The following SEC22C variants were observed in gnomAD, a reference collection of about 807,000 sequenced individuals.
The protein encoded by SEC22C is SEC22 homolog C, vesicle trafficking protein, also known as vesicle-trafficking protein SEC22c.
SEC22C carries 29 observed loss-of-function variants against 34.7 expected under a neutral mutation model. That is an observed-to-expected ratio of 0.84 (90% CI 0.62 to 1.14). SEC22C has a LOEUF of 1.14. Ranked by LOEUF, SEC22C falls within the 50% of genes most tolerant of loss-of-function variation. The pLI is 0.00. For synonymous variants in SEC22C, 117 were observed against 132.8 expected, an observed-to-expected ratio of 0.88 and a Z score of 0.82; for missense variants, 337 against 369.0, an observed-to-expected ratio of 0.91 and a Z score of 0.71.
intron 1 of SEC22C, among the ~76,000 whole-genome samples, chr3:42,581,044 G>A (rs1211750875): frequency 2.6e-5 from 4 of 152,182 alleles, no homozygotes; most frequent in Non-Finnish European, 2.9e-5. Flanking sequence ...TTAAATCAGA[G>A]CTATTAACAT....
intron 4 of SEC22C, among the ~76,000 whole-genome samples, chr3:42,559,313 G>A (rs1245466936): frequency 6.6e-6 from 1 of 152,112 alleles, no homozygotes; most frequent in Non-Finnish European, 1.5e-5. Context: ...AGGACAATAG[G>A]GTAAATCAAA....
chr3:42,598,481 C>A (rs1167092458), intron 1 of SEC22C, among the ~76,000 whole-genome samples: 4 of 151,990 alleles, frequency 2.6e-5, no homozygotes, highest in Non-Finnish European at 5.9e-5. Context: ...GTGCCTGCCA[C>A]CACGCCCTGC....
intron 1 of SEC22C, chr3:42,581,211 T>G (rs1242805184): frequency 6.6e-6 from 1 of 152,246 alleles, no homozygotes; most frequent in Non-Finnish European, 1.5e-5. Context: ...TATTACCCTA[T>G]ATGTTGGTTC....
chr3:42,575,520 G>A (rs1703906555), intron 1 of SEC22C, among the ~76,000 whole-genome samples: 1 of 152,080 alleles, frequency 6.6e-6, no homozygotes, highest in East Asian at 1.9e-4. Context: ...AAATGTCCAG[G>A]AACAAAGAAG....
chr3:42,548,634 C>G lies in SEC22C; in HGVS notation c.*4614G>C, dbSNP rs1159603857. 6.2e-7 allele frequency: 1 copy of G among 1,613,814 alleles called. No individual in the cohort carries two copies. The highest frequency in any genetic ancestry group is 1.3e-5 in the African/African-American group (1 of 74,904). On this transcript the variant is annotated 3_prime_UTR_variant, in exon 7 of 7. Transcript: ENST00000264454. ...GGCTGGCTCACGAGGTTTGGTCCAA[C>G]CAGCAGAACCAGCTCCTTGGATCCT...
At chr3:42,566,756 G>T in intron 2 of SEC22C, 1 of 338,540 alleles carries the variant, frequency 3.0e-6, no homozygotes, top group South Asian at 2.2e-5. Flanking sequence ...ATAATCCCAG[G>T]GCTTTGGAAG....
intron 1 of SEC22C, among the ~76,000 whole-genome samples, chr3:42,589,268 CA>C (rs1486557886): frequency 4.9e-5 from 7 of 142,476 alleles, no homozygotes; most frequent in Admixed American, 1.4e-4. Context: ...GACTCTGTCT[CA>C]AAAAAAAAAG....
At position 42,549,134 on chromosome 3, in the gene SEC22C, CATTAT is replaced by C; in HGVS notation, c.*4109_*4113del. ...GGGCACAGCTACACTCTTTCTCCAC[CATTAT>C]TAACACTCACAGGGCACAGGTAGAG... On this transcript the variant is annotated 3_prime_UTR_variant, in exon 7 of 7. Coordinates refer to ENST00000264454, the MANE Select transcript of SEC22C (RefSeq NM_032970.4). The C allele has an allele frequency of 1.0e-6, 1 of 992,072 alleles. No individual in the cohort carries two copies. Among genetic ancestry groups the C allele is most frequent in the Non-Finnish European group, 1.2e-6 (1 of 833,510 alleles). The allele number at this position is 992,072 out of a possible 1,614,324, so 61.5% of individuals were successfully genotyped here. A position where few individuals can be genotyped will look rare whatever the true frequency, so the allele number is the denominator to read the frequency against.
upstream of SEC22C, among the ~76,000 whole-genome samples, chr3:42,586,304 C>A (rs1280268502): frequency 6.6e-6 from 1 of 152,192 alleles, no homozygotes; most frequent in African/African-American, 2.4e-5. Flanking sequence ...CTTACTGCAA[C>A]CTCTGCCTGC....
intron 1 of SEC22C, among the ~76,000 whole-genome samples, chr3:42,578,652 G>A (rs1251128418): frequency 6.6e-6 from 1 of 151,420 alleles, no homozygotes; most frequent in East Asian, 1.9e-4. Flanking sequence ...CTAGGTGAAG[G>A]GTACATGAGA....
At chr3:42,561,989 A>T (rs1702945664) in intron 3 of SEC22C, among the ~76,000 whole-genome samples, 1 of 115,278 alleles carries the variant, frequency 8.7e-6, no homozygotes, top group Non-Finnish European at 1.7e-5. Flanking sequence ...TGACCTGATT[A>T]ACTCAAAAAA....
intron 1 of SEC22C, 32 bp from the exon 2 acceptor site, chr3:42,569,105 G>T: frequency 2.0e-6 from 3 of 1,466,216 alleles, no homozygotes; most frequent in South Asian, 1.2e-5. Context: ...TGTTACTGAG[G>T]CTCAAATGAC....
At chr3:42,567,353 T>C (rs938741245) in intron 2 of SEC22C, among the ~76,000 whole-genome samples, 1 of 152,244 alleles carries the variant, frequency 6.6e-6, no homozygotes, top group Non-Finnish European at 1.5e-5. Context: ...GATGCCTCCA[T>C]AGAATGACTG....
Position 42,549,194 on chromosome 3 carries a change from G to A in SEC22C, c.*4054C>T, listed in dbSNP as rs1047815716. 6.1e-6 allele frequency: 6 copies of A among 986,740 alleles called. No homozygotes were observed. Among genetic ancestry groups the A allele is most frequent in the Non-Finnish European group, 7.2e-6 (6 of 830,822 alleles). The allele number at this position is 986,740 out of a possible 1,614,324, so 61.1% of individuals were successfully genotyped here. On this transcript the variant is annotated 3_prime_UTR_variant, in exon 7 of 7. Transcript: ENST00000264454. ...CCCAGACCTGTGCAATATTCTACAC[G>A]AAAACATTTGGAATGTGAGCAATGT...
chr3:42,566,673 C>T (rs778245643), intron 2 of SEC22C: 64 of 157,870 alleles, frequency 4.1e-4, no homozygotes, highest in African/African-American at 1.4e-3. Context: ...AGCGAGACTC[C>T]GTCTCAAAAA....
chr3:42,583,763 C>T (rs1330183627), upstream of SEC22C, among the ~76,000 whole-genome samples: 1 of 152,190 alleles, frequency 6.6e-6, no homozygotes, highest in Admixed American at 6.5e-5. Flanking sequence ...AAATTCTCTA[C>T]TCTGGAGTTG....
intron 1 of SEC22C, among the ~76,000 whole-genome samples, chr3:42,597,628 C>T (rs920310521): frequency 1.3e-5 from 2 of 152,054 alleles, no homozygotes; most frequent in Non-Finnish European, 1.5e-5. Context: ...TTGTCCAACC[C>T]GCCACCCAGG....
At chr3:42,557,373 C>A (rs1702589506) in intron 5 of SEC22C, among the ~76,000 whole-genome samples, 1 of 152,110 alleles carries the variant, frequency 6.6e-6, no homozygotes, top group Admixed American at 6.5e-5. Context: ...TCTTGGCAGG[C>A]CCCTCCTGCT....
intron 1 of SEC22C, among the ~76,000 whole-genome samples, chr3:42,593,764 G>A (rs531053659): frequency 6.6e-6 from 1 of 152,276 alleles, no homozygotes; most frequent in African/African-American, 2.4e-5. Flanking sequence ...GGGGGGAGGA[G>A]TGCTATTTTA....
Sources: gnomAD v4.1 joint callset for allele counts (sites outside exome capture counted in the v4.1 genomes callset) on GRCh38, gnomAD v4.1.1 for gene constraint, MANE v1.5 for transcripts, NCBI Gene and HGNC (gene_info 2026-07-23, HGNC 2026-07-21) for gene names.